Variants in ADAMTS2 observed in about 807,000 individuals in gnomAD.
The protein encoded by ADAMTS2 is ADAM metallopeptidase with thrombospondin type 1 motif 2, also known as A disintegrin and metalloproteinase with thrombospondin motifs 2.
In ADAMTS2, 50 loss-of-function variants were observed where a neutral mutation model predicts 123.0. That is an observed-to-expected ratio of 0.41 (90% CI 0.32 to 0.51). The LOEUF (loss-of-function observed/expected upper bound fraction) is 0.51. Among genes scored for constraint, ADAMTS2 ranks in the 20% least tolerant of loss-of-function variants. The probability of loss-of-function intolerance (pLI) is 0.35; values close to 1 mark genes in which losing one functional copy is unlikely to be tolerated. For missense variants in ADAMTS2, 1,494 were observed against 1,705.2 expected, an observed-to-expected ratio of 0.88 and a Z score of 2.18; for synonymous variants, 678 against 695.4, an observed-to-expected ratio of 0.98 and a Z score of 0.39.
intron 2 of ADAMTS2, among the ~76,000 whole-genome samples, chr5:179,282,898 A>G (rs764150436): frequency 1.3e-5 from 2 of 152,048 alleles, no homozygotes; most frequent in Non-Finnish European, 2.9e-5. Context: ...ACACGGTAAA[A>G]CCATGTCATC....
chr5:179,217,678 C>T (rs1386316868), intron 3 of ADAMTS2, among the ~76,000 whole-genome samples: 1 of 105,436 alleles, frequency 9.5e-6, no homozygotes, highest in Non-Finnish European at 2.2e-5. Context: ...GCTGCCCCAT[C>T]CCCTGTGAGC....
intron 3 of ADAMTS2, among the ~76,000 whole-genome samples, chr5:179,226,119 G>A (rs958941182): frequency 3.3e-5 from 5 of 152,186 alleles, no homozygotes; most frequent in African/African-American, 1.2e-4. Context: ...CTGCGAGGAG[G>A]ACAAGAGAAC....
At chr5:179,121,771 C>G (rs764660233) in intron 20 of ADAMTS2, 21 bp from the exon 21 acceptor site, 1 of 1,516,692 alleles carries the variant, frequency 6.6e-7, no homozygotes, top group Non-Finnish European at 8.9e-7. Flanking sequence ...GAGAGAGGGG[C>G]TGCGGCCGCA....
chr5:179,285,264 C>G lies in ADAMTS2; in HGVS notation c.535-12200G>C, dbSNP rs544766913. Among the ~76,000 whole-genome samples, 1 of 152,202 alleles carries G rather than the reference C, an allele frequency of 6.6e-6. No homozygotes were observed. Among genetic ancestry groups the G allele is most frequent in the South Asian group, 2.1e-4 (1 of 4,820 alleles). On this transcript the variant is annotated intron_variant, in intron 2 of 21. Transcript: ENST00000251582. This position sits in a 1 kb window ranked among gnomAD's most constrained non-coding sequence, Gnocchi z 4.9. ...TACAAAGGGCATATAGCAAAACAGA[C>G]AATTCATGTGAAGACAGGAGAGACG...
chr5:179,158,004 T>G lies in ADAMTS2; in HGVS notation c.1132+719A>C, dbSNP rs1166203139. ...TTTTGAGACAGAGTCTCGCACTGTC[T>G]CCCAGGCTGGAGCAAAGTGGTGCGA... On this transcript the variant is annotated intron_variant, in intron 6 of 21. Coordinates refer to ENST00000251582, the MANE Select transcript of ADAMTS2 (RefSeq NM_014244.5). This position sits in a 1 kb window ranked among gnomAD's most constrained non-coding sequence, Gnocchi z 5.0. Among the ~76,000 whole-genome samples the G allele has an allele frequency of 6.6e-6, 1 of 151,584 alleles. No homozygotes were observed. Among genetic ancestry groups the G allele is most frequent in the Non-Finnish European group, 1.5e-5 (1 of 67,850 alleles).
chr5:179,194,268 T>A (rs538150259), intron 4 of ADAMTS2, among the ~76,000 whole-genome samples: 4 of 152,180 alleles, frequency 2.6e-5, no homozygotes, highest in African/African-American at 9.6e-5. Context: ...AAGACCCCTG[T>A]TCGAGTGTTC....
At chr5:179,123,640 G>T (rs1198021650) in intron 19 of ADAMTS2, among the ~76,000 whole-genome samples, 1 of 152,326 alleles carries the variant, frequency 6.6e-6, no homozygotes, top group South Asian at 2.1e-4. Context: ...TGCCGCCCAG[G>T]CTGGTCTCTA....
intron 10 of ADAMTS2, among the ~76,000 whole-genome samples, chr5:179,148,540 C>T (rs538682994): frequency 4.9e-4 from 74 of 152,296 alleles, no homozygotes; most frequent in African/African-American, 1.7e-3. Flanking sequence ...TCACTCTCCC[C>T]ACGGTGCTGG....
intron 2 of ADAMTS2, among the ~76,000 whole-genome samples, chr5:179,329,999 G>A (rs1039371332): frequency 3.3e-5 from 5 of 151,730 alleles, no homozygotes; most frequent in African/African-American, 7.2e-5. Flanking sequence ...GGTGGCGGGC[G>A]CCTGTAGTCC....
chr5:179,183,198 G>T (rs1221916112), intron 4 of ADAMTS2, among the ~76,000 whole-genome samples: 1 of 152,220 alleles, frequency 6.6e-6, no homozygotes, highest in Non-Finnish European at 1.5e-5. Flanking sequence ...TTTAGTCCAC[G>T]CTGGCACAGT....
intron 4 of ADAMTS2, among the ~76,000 whole-genome samples, chr5:179,206,425 C>T (rs1470785308): frequency 6.6e-6 from 1 of 152,188 alleles, no homozygotes; most frequent in Non-Finnish European, 1.5e-5. Context: ...CTGCTGCCTG[C>T]CTCTAGCCCG....
chr5:179,200,867 T>C (rs1764547631), intron 4 of ADAMTS2, among the ~76,000 whole-genome samples: 1 of 151,960 alleles, frequency 6.6e-6, no homozygotes, highest in Admixed American at 6.6e-5. Context: ...TTCCCACACA[T>C]GTGACAGACA....
chr5:179,113,846 G>C lies in ADAMTS2; in HGVS notation c.*21C>G, dbSNP rs1436282265. 2 of 1,609,184 alleles carry C rather than the reference G, an allele frequency of 1.2e-6. No homozygotes were observed. Among genetic ancestry groups the C allele is most frequent in the Admixed American group, 1.7e-5 (1 of 60,006 alleles). On this transcript the variant is annotated 3_prime_UTR_variant, in exon 22 of 22. Coordinates refer to ENST00000251582, the MANE Select transcript of ADAMTS2 (RefSeq NM_014244.5). Reference sequence around the variant, plus strand: ...TCTATAAGCAAGAAAAAAATGCTAGGGATGCTATCTTTCCATTTTATTAGA... The same window carrying C: ...TCTATAAGCAAGAAAAAAATGCTAGCGATGCTATCTTTCCATTTTATTAGA...
intron 4 of ADAMTS2, among the ~76,000 whole-genome samples, chr5:179,186,686 G>C (rs1008479679): frequency 1.6e-4 from 24 of 152,302 alleles, no homozygotes; most frequent in African/African-American, 4.8e-4. Context: ...GCAGAGAGTC[G>C]ACTGATGTGG....
intron 2 of ADAMTS2, among the ~76,000 whole-genome samples, chr5:179,325,331 C>T (rs1384638441): frequency 6.6e-6 from 1 of 152,136 alleles, no homozygotes; most frequent in African/African-American, 2.4e-5. Flanking sequence ...GGAAGGGAGA[C>T]CGCGTGCTTA....
chr5:179,329,047 G>A (rs969791065), intron 2 of ADAMTS2, among the ~76,000 whole-genome samples: 6 of 152,136 alleles, frequency 3.9e-5, no homozygotes, highest in Non-Finnish European at 5.9e-5. Flanking sequence ...AACAGAAAAG[G>A]CCAGGCACAG....
At position 179,307,391 on chromosome 5, in the gene ADAMTS2, A is replaced by C. The variant is rs55773105; in HGVS notation, c.535-34327T>G. ...ACTCCAGGACAGCTCCATGACACAGAAGCAGCTCTGCCCATGAGCATTCAA... is the reference window on the plus strand; with the variant it reads ...ACTCCAGGACAGCTCCATGACACAGCAGCAGCTCTGCCCATGAGCATTCAA... On this transcript the variant is annotated intron_variant, in intron 2 of 21. Transcript: ENST00000251582. The surrounding 1 kb of genome is among the most constrained non-coding windows in gnomAD (Gnocchi z 5.6). 0.083 allele frequency among the ~76,000 whole-genome samples: 12,664 copies of C among 152,110 alleles called. 566 individuals are homozygous for C. The highest frequency in any genetic ancestry group is 0.11 in the African/African-American group (4,464 of 41,506).
chr5:179,318,834 C>T (rs1247887805), intron 2 of ADAMTS2, among the ~76,000 whole-genome samples: 1 of 152,202 alleles, frequency 6.6e-6, no homozygotes, highest in South Asian at 2.1e-4. Context: ...CCCGAAGGGT[C>T]TTCCAGGAAG....
Position 179,344,159 on chromosome 5 carries a change from C to G in ADAMTS2, c.142G>C (p.Gly48Arg), listed in dbSNP as rs769371687. ...CGCTCCGCTCCGTGCCCCAGGGGCCCGCCTGCAACGGGAAGGGGCGTTAGA... is the reference window on the plus strand; with the variant it reads ...CGCTCCGCTCCGTGCCCCAGGGGCCGGCCTGCAACGGGAAGGGGCGTTAGA... ...RLAAAADPPG[G>R]PLGHGAERIL... Residue 48 changes from glycine (G) to arginine (R), a missense_variant and splice_region_variant, in exon 2 of 22, where the codon GGG becomes CGG. Transcript: ENST00000251582. 12 of 1,596,746 alleles carry G rather than the reference C, an allele frequency of 7.5e-6. No individual in the cohort carries two copies. The East Asian group carries it at 2.7e-4, about 36-fold the overall frequency.
Sources: allele counts gnomAD v4.1 joint callset (sites outside exome capture counted in the v4.1 genomes callset), GRCh38; gene constraint gnomAD v4.1.1; non-coding constraint Gnocchi (gnomAD v3.1); transcripts MANE v1.5; gene names NCBI Gene and HGNC (gene_info 2026-07-23, HGNC 2026-07-21).